The following PTPN3 variants were observed in gnomAD, a reference collection of about 807,000 sequenced individuals.
The protein encoded by PTPN3 is tyrosine-protein phosphatase non-receptor type 3.
PTPN3 carries 96 observed loss-of-function variants against 132.7 expected under a neutral mutation model. The observed-to-expected ratio is 0.72, with a 90% CI of 0.61 to 0.86. The LOEUF (loss-of-function observed/expected upper bound fraction) is 0.86, where lower values mean the gene tolerates loss of function less well. Among genes scored for constraint, PTPN3 ranks in the 40% least tolerant of loss-of-function variants. The pLI is 0.00. For synonymous variants in PTPN3, 398 were observed against 429.0 expected, an observed-to-expected ratio of 0.93 and a Z score of 0.89; for missense variants, 1,125 against 1,159.6, an observed-to-expected ratio of 0.97 and a Z score of 0.43.
chr9:109,460,039 G>A (rs1022022236), intron 2 of PTPN3, among the ~76,000 whole-genome samples: 3 of 151,828 alleles, frequency 2.0e-5, no homozygotes, highest in Non-Finnish European at 4.4e-5. Context: ...CTTCTATCTC[G>A]TACCATTCCT....
intron 4 of PTPN3, among the ~76,000 whole-genome samples, 165 bp from the exon 5 acceptor site, chr9:109,454,739 A>G (rs1166978401): frequency 1.3e-5 from 2 of 152,200 alleles, no homozygotes; most frequent in Non-Finnish European, 2.9e-5. Flanking sequence ...TGTTTCAGAA[A>G]TCTCCAAGTC....
At chr9:109,426,085 TCTTATA>T (rs1280004096) in intron 12 of PTPN3, among the ~76,000 whole-genome samples, 2 of 150,502 alleles carry the variant, frequency 1.3e-5, no homozygotes, top group African/African-American at 4.9e-5. Context: ...TTATGCTACC[TCTTATA>T]CTTAGAGGGT....
intron 16 of PTPN3, among the ~76,000 whole-genome samples, chr9:109,409,047 G>A (rs1184090549): frequency 6.6e-6 from 1 of 151,812 alleles, no homozygotes; most frequent in Non-Finnish European, 1.5e-5. Context: ...CCTAGAGTAG[G>A]GATGAGTAAA....
the PTPN3 span, among the ~76,000 whole-genome samples, chr9:109,510,298 C>G: frequency 1.3e-5 from 2 of 152,088 alleles, no homozygotes; most frequent in African/African-American, 4.8e-5. Flanking sequence ...GTGGCTCACA[C>G]TTGTAATCCT....
intron 14 of PTPN3, among the ~76,000 whole-genome samples, chr9:109,414,994 G>T (rs1203332607): frequency 6.6e-6 from 1 of 151,586 alleles, no homozygotes; most frequent in East Asian, 1.9e-4. Flanking sequence ...TTTGTATCTC[G>T]GGGCCCCATC....
chr9:109,471,687 AGAGAC>A, intron 1 of PTPN3, among the ~76,000 whole-genome samples: 1 of 151,206 alleles, frequency 6.6e-6, no homozygotes, highest in Non-Finnish European at 1.5e-5. Flanking sequence ...TTTTTTTTAA[AGAGAC>A]AGGGTACTCA....
At chr9:109,488,015 A>G (rs1022782919) in intron 1 of PTPN3, among the ~76,000 whole-genome samples, 6 of 152,006 alleles carry the variant, frequency 3.9e-5, no homozygotes, top group African/African-American at 1.2e-4. Flanking sequence ...ACTGTGTGAC[A>G]TGCTCTGTCC....
At chr9:109,520,137 T>A in the PTPN3 span, among the ~76,000 whole-genome samples, 1 of 143,284 alleles carries the variant, frequency 7.0e-6, no homozygotes, top group African/African-American at 2.7e-5. Flanking sequence ...CCAGCCTGGG[T>A]GATACAGCGA....
rs1838604598 is a variant in PTPN3, at chr9:109,376,958, T to TTTAGAAATTTATGTGACCGTAATGGCTGC, written c.*2569_*2597dup. ...ACTGCTTGCAACCTTTGGTAGGCTT[T>TTTAGAAATTTATGTGACCGTAATGGCTGC]TTAGAAATTTATGTGACCGTAATGG... On this transcript the variant is annotated 3_prime_UTR_variant, in exon 26 of 26. Coordinates refer to ENST00000374541, the MANE Select transcript of PTPN3 (RefSeq NM_002829.4). The TTTAGAAATTTATGTGACCGTAATGGCTGC allele has an allele frequency of 6.6e-6, 1 of 152,180 alleles. No homozygotes were observed. The highest frequency in any genetic ancestry group is 1.5e-5 in the Non-Finnish European group (1 of 68,046). The allele number at this position is 152,180 out of a possible 1,614,324, so 9.4% of individuals were successfully genotyped here.
the PTPN3 span, among the ~76,000 whole-genome samples, chr9:109,521,402 C>T: frequency 1.3e-5 from 2 of 152,110 alleles, no homozygotes; most frequent in African/African-American, 2.4e-5. Context: ...TTAGGTGATC[C>T]GCCCGCCTCA....
At chr9:109,380,484 G>A (rs1838972384) in intron 25 of PTPN3, among the ~76,000 whole-genome samples, 2 of 152,190 alleles carry the variant, frequency 1.3e-5, no homozygotes, top group East Asian at 1.9e-4. Flanking sequence ...TTGAACTACT[G>A]ATCTCAAGTG....
At chr9:109,484,858 C>T (rs778694256) in intron 1 of PTPN3, among the ~76,000 whole-genome samples, 4 of 152,176 alleles carry the variant, frequency 2.6e-5, no homozygotes, top group South Asian at 2.1e-4. Flanking sequence ...CCCCATCCTG[C>T]GCTAGGACAA....
chr9:109,537,265 A>C, the PTPN3 span, among the ~76,000 whole-genome samples: 1 of 152,238 alleles, frequency 6.6e-6, no homozygotes, highest in African/African-American at 2.4e-5. Context: ...TTTCTAAAAA[A>C]TTATAGTGAC....
the PTPN3 span, among the ~76,000 whole-genome samples, chr9:109,510,586 T>A: frequency 5.8e-5 from 7 of 119,804 alleles, no homozygotes; most frequent in African/African-American, 2.2e-4. Flanking sequence ...AATATATATA[T>A]ATATATATAT....
chr9:109,417,371 ATTC>A (rs1489320549), intron 14 of PTPN3, among the ~76,000 whole-genome samples: 1 of 152,212 alleles, frequency 6.6e-6, no homozygotes, highest in Middle Eastern at 3.4e-3. Context: ...ATCGCACTTA[ATTC>A]TTCTTCTTAA....
At chr9:109,388,455 A>C (rs1839785098) in intron 22 of PTPN3, among the ~76,000 whole-genome samples, 1 of 152,208 alleles carries the variant, frequency 6.6e-6, no homozygotes, top group South Asian at 2.1e-4. Flanking sequence ...GTGAGAAAGA[A>C]AGGGCTGGGA....
At chr9:109,422,639 A>G (rs1588393426) in intron 13 of PTPN3, 79 bp downstream of exon 13, 4 of 1,444,180 alleles carry the variant, frequency 2.8e-6, no homozygotes, top group East Asian at 2.3e-5. Context: ...TTAGGAGTTT[A>G]TAAGTTGAGT....
intron 22 of PTPN3, among the ~76,000 whole-genome samples, chr9:109,385,631 G>A (rs1418862783): frequency 1.3e-5 from 2 of 152,176 alleles, no homozygotes; most frequent in Non-Finnish European, 2.9e-5. Flanking sequence ...TAATACTCTG[G>A]AATGACAAGA....
intron 9 of PTPN3, 22 bp downstream of exon 9, chr9:109,436,861 A>G (rs1339105364): frequency 6.2e-7 from 1 of 1,601,738 alleles, no homozygotes; most frequent in Non-Finnish European, 8.5e-7. Flanking sequence ...TGTTTGAGCC[A>G]AGACATAACA....
Sources: gnomAD v4.1 joint callset for allele counts (sites outside exome capture counted in the v4.1 genomes callset) on GRCh38, gnomAD v4.1.1 for gene constraint, MANE v1.5 for transcripts, NCBI Gene and HGNC (gene_info 2026-07-23, HGNC 2026-07-21) for gene names.